Variants in DPP10 observed in about 807,000 individuals in gnomAD.
The protein encoded by DPP10 is dipeptidyl peptidase like 10.
A neutral mutation model predicts 120.9 loss-of-function variants in DPP10; 33 were observed. The ratio of observed to expected loss-of-function variants is 0.27; its 90% CI spans 0.21 to 0.37. DPP10 has a LOEUF of 0.37. Ranked by LOEUF, DPP10 falls within the 10% of genes least tolerant of loss-of-function variation. The pLI, the probability that DPP10 is intolerant of heterozygous loss-of-function variation, is 1.00. For missense variants in DPP10, 816 were observed against 942.8 expected (o/e 0.87, Z 1.76); for synonymous variants, 337 against 326.1 (o/e 1.03, Z -0.36).
chr2:115,335,289 G>T (rs2063054837), intron 2 of DPP10, among the ~76,000 whole-genome samples: 1 of 151,910 alleles, frequency 6.6e-6, no homozygotes, highest in African/African-American at 2.4e-5. Context: ...TTTGGGTAGG[G>T]ACATAGCCAA....
chr2:114,760,891 A>C (rs994992973), intron 1 of DPP10, among the ~76,000 whole-genome samples: 1 of 152,216 alleles, frequency 6.6e-6, no homozygotes, highest in Admixed American at 6.5e-5. Context: ...ATTTCAAAAA[A>C]TTCTGAGAAA....
At chr2:114,981,357 G>A (rs1700080227) in intron 1 of DPP10, among the ~76,000 whole-genome samples, 1 of 151,888 alleles carries the variant, frequency 6.6e-6, no homozygotes, top group South Asian at 2.1e-4. Flanking sequence ...AAGAAGATGT[G>A]TGTGAAAAAT....
chr2:114,605,928 G>T lies in DPP10; in HGVS notation c.60+163090G>T, dbSNP rs181475090. On this transcript the variant is annotated intron_variant, in intron 1 of 25. Coordinates refer to ENST00000410059, the MANE Select transcript of DPP10 (RefSeq NM_020868.6). ...GCCCATATTATCTCCCTCTTATTTG[G>T]ATATAAGATGTCCAGTAAGTGGGTA... is the stretch of plus-strand genomic sequence containing the variant. 2.6e-5 allele frequency among the ~76,000 whole-genome samples: 4 copies of T among 152,150 alleles called. No homozygotes were observed. In the East Asian group the frequency reaches 7.7e-4, roughly 29 times the overall value.
chr2:114,704,113 A>G (rs548417310), intron 1 of DPP10, among the ~76,000 whole-genome samples: 48 of 152,278 alleles, frequency 3.2e-4, no homozygotes, highest in African/African-American at 9.4e-4. Flanking sequence ...GGTTAGGAAT[A>G]AGGCAATGCT....
intron 1 of DPP10, among the ~76,000 whole-genome samples, chr2:115,165,279 G>A (rs2052751025): frequency 6.6e-6 from 1 of 152,148 alleles, no homozygotes; most frequent in Non-Finnish European, 1.5e-5. Flanking sequence ...TTAGAGATGA[G>A]AATACAGAGG....
At chr2:114,498,232 C>A (rs1281343222) in intron 1 of DPP10, among the ~76,000 whole-genome samples, 1 of 152,080 alleles carries the variant, frequency 6.6e-6, no homozygotes, top group East Asian at 1.9e-4. Flanking sequence ...ACTATAGTCA[C>A]CCTAATGGGC....
intron 1 of DPP10, among the ~76,000 whole-genome samples, chr2:114,698,976 T>G (rs1700226384): frequency 6.6e-6 from 1 of 152,142 alleles, no homozygotes; most frequent in African/African-American, 2.4e-5. Context: ...ATATTCCCAG[T>G]TATTACTTCC....
intron 3 of DPP10, among the ~76,000 whole-genome samples, chr2:115,467,502 G>C (rs1416924856): frequency 6.6e-6 from 1 of 150,662 alleles, no homozygotes; most frequent in Admixed American, 6.6e-5. Context: ...GCTTTAACCC[G>C]GGAGGCAGAG....
chr2:114,517,390 C>T (rs1344371284), intron 1 of DPP10, among the ~76,000 whole-genome samples: 4 of 152,006 alleles, frequency 2.6e-5, no homozygotes, highest in African/African-American at 4.8e-5. Context: ...TGTAGTGTCA[C>T]ATGCCTGTAG....
chr2:115,285,863 A>G (rs1005699463), intron 1 of DPP10, among the ~76,000 whole-genome samples: 3 of 152,054 alleles, frequency 2.0e-5, no homozygotes, highest in Admixed American at 2.0e-4. Flanking sequence ...GTGGGAAGAA[A>G]GTAATGATAG....
intron 1 of DPP10, among the ~76,000 whole-genome samples, chr2:114,809,410 T>G (rs941458512): frequency 1.3e-5 from 2 of 152,254 alleles, no homozygotes; most frequent in Non-Finnish European, 2.9e-5. Flanking sequence ...AGGCATCTTC[T>G]GCAGGTTAGC....
chr2:115,090,190 A>ATATGT (rs1709127189), intron 1 of DPP10, among the ~76,000 whole-genome samples: 1 of 152,280 alleles, frequency 6.6e-6, no homozygotes, highest in African/African-American at 2.4e-5. Flanking sequence ...TAAAATATAC[A>ATATGT]TATGTATGAG....
rs1167693309 is a variant in DPP10, at chr2:115,440,459, T to C, written c.272-59051T>C. ...CTGGTTTAGTGTTATGCATATCTTA[T>C]TATTTTACTATGCAATTTCTTATCT... is the stretch of plus-strand genomic sequence containing the variant. On this transcript the variant is annotated intron_variant, in intron 3 of 25. Coordinates refer to ENST00000410059, the MANE Select transcript of DPP10 (RefSeq NM_020868.6). Among the ~76,000 whole-genome samples the C allele has an allele frequency of 4.7e-5, 7 of 148,240 alleles. No individual in the cohort carries two copies. The South Asian group carries it at 1.5e-3, about 32-fold the overall frequency.
At chr2:115,402,414 AAG>A (rs1387684625) in intron 3 of DPP10, among the ~76,000 whole-genome samples, 1 of 152,142 alleles carries the variant, frequency 6.6e-6, no homozygotes, top group Non-Finnish European at 1.5e-5. Flanking sequence ...CTAATTACAA[AAG>A]AGAGGTTATT....
rs566556689 is a variant in DPP10, at chr2:115,238,748, A to G, written c.61-70491A>G. Reference sequence around the variant, plus strand: ...AACATTGTTGAAATGACAGCAAAGGATTTAGAATATTATATAAAGTTGGTT... The same window carrying G: ...AACATTGTTGAAATGACAGCAAAGGGTTTAGAATATTATATAAAGTTGGTT... On this transcript the variant is annotated intron_variant, in intron 1 of 25. Coordinates refer to ENST00000410059, the MANE Select transcript of DPP10 (RefSeq NM_020868.6). Among the ~76,000 whole-genome samples, 3 of 152,322 alleles carry G rather than the reference A, an allele frequency of 2.0e-5. No homozygotes were observed. In the South Asian group the frequency reaches 6.2e-4, roughly 32 times the overall value.
At chr2:115,035,842 T>A (rs1704192488) in intron 1 of DPP10, among the ~76,000 whole-genome samples, 1 of 152,256 alleles carries the variant, frequency 6.6e-6, no homozygotes, top group Admixed American at 6.5e-5. Context: ...TAACTATTAC[T>A]ATGATTACTC....
intron 1 of DPP10, among the ~76,000 whole-genome samples, chr2:114,742,306 G>GA (rs1402216294): frequency 3.3e-5 from 5 of 150,212 alleles, no homozygotes; most frequent in Non-Finnish European, 4.4e-5. Context: ...TTAAAATAGT[G>GA]AAAAAAAATT....
At chr2:114,772,742 A>G (rs1253440953) in intron 1 of DPP10, among the ~76,000 whole-genome samples, 2 of 151,828 alleles carry the variant, frequency 1.3e-5, no homozygotes, top group East Asian at 1.9e-4. Context: ...CCTTAGGACC[A>G]TCTCCTGGTG....
At chr2:115,800,810 G>C (rs1165433049) in intron 19 of DPP10, among the ~76,000 whole-genome samples, 27 of 151,842 alleles carry the variant, frequency 1.8e-4, no homozygotes, top group South Asian at 8.3e-4. Flanking sequence ...GTTTTGGTAC[G>C]AGTACCATGC....
Sources: allele counts gnomAD v4.1 joint callset (sites outside exome capture counted in the v4.1 genomes callset), GRCh38; gene constraint gnomAD v4.1.1; transcripts MANE v1.5; gene names NCBI Gene and HGNC (gene_info 2026-07-23, HGNC 2026-07-21).